Variants in SLC6A13 observed in about 807,000 individuals in gnomAD.
SLC6A13 encodes sodium- and chloride-dependent GABA transporter 2.
A neutral mutation model predicts 72.9 loss-of-function variants in SLC6A13; 69 were observed. The observed-to-expected ratio is 0.95, with a 90% CI of 0.78 to 1.16. SLC6A13 has a LOEUF of 1.16. Ranked by LOEUF, SLC6A13 falls within the 50% of genes most tolerant of loss-of-function variation. SLC6A13 has a pLI of 0.00. For missense variants in SLC6A13, 735 were observed against 760.5 expected (o/e 0.97, Z 0.39); for synonymous variants, 303 against 303.0 (o/e 1.00, Z 0.00).
intron 2 of SLC6A13, among the ~76,000 whole-genome samples, chr12:252,042 G>T (rs777268479): frequency 6.6e-6 from 1 of 152,182 alleles, no homozygotes; most frequent in African/African-American, 2.4e-5. Context: ...ATGCATTTCT[G>T]ATAAAGGACT....
At chr12:226,362 G>A in intron 9 of SLC6A13, 28 bp downstream of exon 9, 2 of 1,613,020 alleles carry the variant, frequency 1.2e-6, no homozygotes, top group Non-Finnish European at 1.7e-6. Flanking sequence ...CAGGCTCACT[G>A]CCTCCAGGCC....
rs745504007 is a variant in SLC6A13 at position 243,829 on chromosome 12, A to G, written c.203-16T>C. 7 of 1,612,214 alleles carry G rather than the reference A, an allele frequency of 4.3e-6. No homozygotes were observed. The East Asian group carries it at 1.1e-4, about 26-fold the overall frequency. Reference sequence around the variant, plus strand: ...AAGAAGGCACCTGTGGTTAGAAAACAGGCTGTTCATTTCCTGGGACTATTC... The same window carrying G: ...AAGAAGGCACCTGTGGTTAGAAAACGGGCTGTTCATTTCCTGGGACTATTC... On this transcript the variant is annotated splice_polypyrimidine_tract_variant and intron_variant, in intron 2 of 14. Coordinates refer to ENST00000343164, the MANE Select transcript of SLC6A13 (RefSeq NM_016615.5).
Position 242,634 on chromosome 12 carries a change from C to T in SLC6A13, c.458G>A (p.Cys153Tyr). 1 of 1,613,756 alleles carries T rather than the reference C, an allele frequency of 6.2e-7. No homozygotes were observed. The highest frequency in any genetic ancestry group is 8.5e-7 in the Non-Finnish European group (1 of 1,179,830). ...CATACCTGTGTTCCACTCATGGTAG[C>T]AGCCGCCCCAGGGCAGGTCGATGGT... ...SFTIDLPWGGCYHEWNTEHCM... is the reference protein window; with the variant it reads ...SFTIDLPWGGYYHEWNTEHCM... Residue 153 changes from cysteine (C) to tyrosine (Y), a missense_variant, in exon 4 of 15, where the codon TGC becomes TAC. By Grantham distance (194) the Cys-to-Tyr change is radical. Transcript: ENST00000343164.
intron 1 of SLC6A13, among the ~76,000 whole-genome samples, chr12:262,355 G>A (rs984486799): frequency 3.3e-5 from 5 of 152,206 alleles, no homozygotes; most frequent in Non-Finnish European, 5.9e-5. Context: ...TTGTTCATCT[G>A]TAAAAGTGGG....
chr12:242,578 G>A (rs555630950), intron 4 of SLC6A13, 36 bp downstream of exon 4: 31 of 1,596,830 alleles, frequency 1.9e-5, no homozygotes, highest in African/African-American at 1.1e-4. Context: ...GTGGCAGAAC[G>A]AGAGGAGGAA....
chr12:242,018 G>A (rs184368056), intron 4 of SLC6A13, among the ~76,000 whole-genome samples: 3 of 152,346 alleles, frequency 2.0e-5, no homozygotes, highest in African/African-American at 4.8e-5. Flanking sequence ...TATAGCAGAC[G>A]GCCCAGGTGT....
At chr12:258,850 G>C (rs1942832181) in intron 2 of SLC6A13, 1 of 877,808 alleles carries the variant, frequency 1.1e-6, no homozygotes, top group Non-Finnish European at 1.4e-6. Flanking sequence ...ACACATTTGT[G>C]CTGCGAAATT....
At chr12:232,870 C>T (rs902297824) in intron 7 of SLC6A13, among the ~76,000 whole-genome samples, 1 of 152,194 alleles carries the variant, frequency 6.6e-6, no homozygotes, top group Non-Finnish European at 1.5e-5. Context: ...AAAACCTGGC[C>T]AGAGTGGCCA....
At position 224,009 on chromosome 12, in the gene SLC6A13, G is replaced by A; in HGVS notation, c.1294C>T (p.Leu432=). The change falls in exon 11 of 15, where the codon CTG becomes TTG. Residue 432 remains leucine, a synonymous_variant. Coordinates refer to ENST00000343164, the MANE Select transcript of SLC6A13 (RefSeq NM_016615.5). ...GCCCTCACCTCTGTGAGCATGATCA[G>A]CCCCACAAGGAAGGAGACGACAGAT... is the stretch of plus-strand genomic sequence containing the variant. ...GVSVVSFLVG[L]IMLTEGGMYV... 1 of 1,612,646 alleles carries A rather than the reference G, an allele frequency of 6.2e-7. No individual in the cohort carries two copies. The highest frequency in any genetic ancestry group is 8.5e-7 in the Non-Finnish European group (1 of 1,179,566).
chr12:241,896 A>G (rs1276648239), intron 4 of SLC6A13, among the ~76,000 whole-genome samples: 1 of 152,246 alleles, frequency 6.6e-6, no homozygotes, highest in African/African-American at 2.4e-5. Flanking sequence ...CAGTGTTCAC[A>G]TTTGATTATA....
At chr12:244,763 G>T (rs1328100227) in intron 2 of SLC6A13, among the ~76,000 whole-genome samples, 1 of 152,072 alleles carries the variant, frequency 6.6e-6, no homozygotes, top group Non-Finnish European at 1.5e-5. Context: ...CTTCTGCCAT[G>T]GGCTGACACA....
At chr12:227,344 C>A (rs1941502075) in intron 8 of SLC6A13, 1 of 388,284 alleles carries the variant, frequency 2.6e-6, no homozygotes, top group Non-Finnish European at 3.5e-6. Context: ...TGTGGTCTCC[C>A]AGCCAATCAC....
chr12:228,444 C>A lies in SLC6A13; in HGVS notation c.832-776G>T, dbSNP rs573348131. 2.6e-5 allele frequency among the ~76,000 whole-genome samples: 4 copies of A among 152,242 alleles called. No individual in the cohort carries two copies. In the South Asian group the frequency reaches 8.3e-4, roughly 32 times the overall value. On this transcript the variant is annotated intron_variant, in intron 7 of 14. Coordinates refer to ENST00000343164, the MANE Select transcript of SLC6A13 (RefSeq NM_016615.5). ...ACGTGAGCACAACCAGGGAGCACCC[C>A]GCTATGGACGCAGACATCCAAGCAG... is the stretch of plus-strand genomic sequence containing the variant.
At chr12:256,754 A>T (rs1218833080) in intron 2 of SLC6A13, 1 of 152,096 alleles carries the variant, frequency 6.6e-6, no homozygotes, top group Non-Finnish European at 1.5e-5. Context: ...TACGAATCCA[A>T]TTCCTTGATT....
chr12:222,503 A>G (rs1941254225), intron 13 of SLC6A13, 29 bp downstream of exon 13: 1 of 1,464,190 alleles, frequency 6.8e-7, no homozygotes, highest in African/African-American at 1.4e-5. Flanking sequence ...CCCTCCCTTC[A>G]TCTGACTTTA....
chr12:224,282 C>T (rs1941347267), intron 10 of SLC6A13, 119 bp downstream of exon 10: 1 of 1,328,318 alleles, frequency 7.5e-7, no homozygotes. Context: ...TCAGGACTCA[C>T]CCTCAAGCTC....
chr12:235,903 G>A (rs530038399), intron 6 of SLC6A13, among the ~76,000 whole-genome samples: 4 of 152,296 alleles, frequency 2.6e-5, no homozygotes, highest in Admixed American at 1.3e-4. Flanking sequence ...ATGCAGTTGA[G>A]ATAAGGACTG....
In SLC6A13 at chr12:230,159, C is replaced by A. The variant is rs184578692; in HGVS notation, c.832-2491G>T. 1.1e-4 allele frequency among the ~76,000 whole-genome samples: 17 copies of A among 152,242 alleles called. No homozygotes were observed. The East Asian group carries it at 3.3e-3, about 29-fold the overall frequency. On this transcript the variant is annotated intron_variant, in intron 7 of 14. Coordinates refer to ENST00000343164, the MANE Select transcript of SLC6A13 (RefSeq NM_016615.5). ...CCACTCCCTGCCCACTCCACGAGCCCTGGTTTCTGGAATAAAGCTCTGATT... is the reference window on the plus strand; with the variant it reads ...CCACTCCCTGCCCACTCCACGAGCCATGGTTTCTGGAATAAAGCTCTGATT...
rs542510888 is a variant in SLC6A13, at chr12:254,742, A to C, written c.202+5109T>G. Among the ~76,000 whole-genome samples, 5 of 152,300 alleles carry C rather than the reference A, an allele frequency of 3.3e-5. No homozygotes were observed. Among genetic ancestry groups the C allele is most frequent in the African/African-American group, 1.2e-4 (5 of 41,562 alleles). ...ACACACCTCCAGCCAGATCTCTCTC[A>C]CAAACCCCAAACTCACATTCTATTG... On this transcript the variant is annotated intron_variant, in intron 2 of 14. Transcript: ENST00000343164. The surrounding 1 kb of genome is among the most constrained non-coding windows in gnomAD (Gnocchi z 4.4).
Sources: gnomAD v4.1 joint callset for allele counts (sites outside exome capture counted in the v4.1 genomes callset) on GRCh38, gnomAD v4.1.1 for gene constraint, Gnocchi (gnomAD v3.1) non-coding constraint, MANE v1.5 for transcripts, NCBI Gene and HGNC (gene_info 2026-07-23, HGNC 2026-07-21) for gene names.